The following KCND2 variants were observed in gnomAD, a reference collection of about 807,000 sequenced individuals.
KCND2 encodes the protein A-type voltage-gated potassium channel KCND2.
KCND2 carries 16 observed loss-of-function variants against 54.4 expected under a neutral mutation model. The observed-to-expected ratio is 0.29, with a 90% CI of 0.20 to 0.45. The LOEUF (loss-of-function observed/expected upper bound fraction) is 0.45. KCND2 is among the 20% of genes least tolerant of loss of function. The probability of loss-of-function intolerance (pLI) is 1.00; values close to 1 mark genes in which losing one functional copy is unlikely to be tolerated. For missense variants in KCND2, 486 were observed against 824.2 expected, an observed-to-expected ratio of 0.59 and a Z score of 5.02; for synonymous variants, 317 against 310.7, an observed-to-expected ratio of 1.02 and a Z score of -0.21.
chr7:120,341,156 A>G lies in KCND2; in HGVS notation c.1115+65409A>G, dbSNP rs371206822. 3.3e-5 allele frequency among the ~76,000 whole-genome samples: 5 copies of G among 152,268 alleles called. No individual in the cohort carries two copies. In the East Asian group the frequency reaches 5.8e-4, roughly 18 times the overall value. On this transcript the variant is annotated intron_variant, in intron 1 of 5. Transcript: ENST00000331113. ...CTGAAGCTTCTCCCTGGTTACTTCA[A>G]TTTTATCAGTGGAAAAAGAAGCAAA...
chr7:120,455,912 C>T (rs571918537), intron 1 of KCND2, among the ~76,000 whole-genome samples: 5 of 152,056 alleles, frequency 3.3e-5, no homozygotes, highest in African/African-American at 7.2e-5. Flanking sequence ...ACTCCTGTGA[C>T]GTGCAGTTTA....
At chr7:120,500,280 T>G (rs946935499) in intron 1 of KCND2, among the ~76,000 whole-genome samples, 7 of 152,198 alleles carry the variant, frequency 4.6e-5, no homozygotes, top group African/African-American at 1.7e-4. Context: ...AAGGCAGAGA[T>G]AGGTACACAC....
At chr7:120,641,752 T>TCC (rs1472003673) in intron 1 of KCND2, among the ~76,000 whole-genome samples, 7 of 104,996 alleles carry the variant, frequency 6.7e-5, no homozygotes, top group Non-Finnish European at 1.0e-4. Flanking sequence ...TCCAAGCATA[T>TCC]TCTTTTTTTT....
intron 1 of KCND2, among the ~76,000 whole-genome samples, chr7:120,522,512 T>G (rs1370705607): frequency 2.0e-5 from 3 of 152,180 alleles, no homozygotes; most frequent in African/African-American, 7.2e-5. Context: ...AAACAAGACT[T>G]CTCACATCCT....
chr7:120,293,885 G>T (rs552087757), intron 1 of KCND2, among the ~76,000 whole-genome samples: 1 of 152,002 alleles, frequency 6.6e-6, no homozygotes, highest in African/African-American at 2.4e-5. Flanking sequence ...ATTAGTAGTT[G>T]TAATGTCAAC....
At chr7:120,686,285 T>C (rs1219885315) in intron 1 of KCND2, among the ~76,000 whole-genome samples, 1 of 152,184 alleles carries the variant, frequency 6.6e-6, no homozygotes, top group Non-Finnish European at 1.5e-5. Flanking sequence ...AGAAGTAGGA[T>C]TGCTGTATCA....
At chr7:120,702,158 G>GACAT (rs1792410560) in intron 1 of KCND2, among the ~76,000 whole-genome samples, 1 of 151,912 alleles carries the variant, frequency 6.6e-6, no homozygotes. Context: ...TTTAAAAGAA[G>GACAT]ACATACATGT....
intron 1 of KCND2, among the ~76,000 whole-genome samples, chr7:120,561,520 G>A (rs1257364049): frequency 6.7e-6 from 1 of 150,192 alleles, no homozygotes; most frequent in African/African-American, 2.4e-5. Context: ...TGAAAAACTT[G>A]CCCAAAGTTA....
At chr7:120,523,102 G>A (rs546373205) in intron 1 of KCND2, among the ~76,000 whole-genome samples, 1 of 152,258 alleles carries the variant, frequency 6.6e-6, no homozygotes, top group South Asian at 2.1e-4. Context: ...AATATTTGTA[G>A]AAGGTTACCA....
rs118005079 is a variant in KCND2 at position 120,684,187 on chromosome 7, G to A, written c.1116-48716G>A. On this transcript the variant is annotated intron_variant, in intron 1 of 5. Transcript: ENST00000331113. ...GAACATGAGATTAAGCTCTGTGTAC[G>A]TGCTAGTGTGGCGTTATTCCTGGGG... is the stretch of plus-strand genomic sequence containing the variant. Among the ~76,000 whole-genome samples the A allele has an allele frequency of 2.0e-3, 305 of 152,234 alleles. 1 individual carries two copies. The highest frequency in any genetic ancestry group is 7.5e-3 in the South Asian group (36 of 4,822).
intron 1 of KCND2, among the ~76,000 whole-genome samples, chr7:120,517,717 A>G (rs1803216758): frequency 6.6e-6 from 1 of 152,110 alleles, no homozygotes; most frequent in African/African-American, 2.4e-5. Flanking sequence ...AAATTTAACC[A>G]TTTGTTTTCA....
At chr7:120,302,917 A>G (rs557483403) in intron 1 of KCND2, among the ~76,000 whole-genome samples, 2 of 152,208 alleles carry the variant, frequency 1.3e-5, no homozygotes, top group Non-Finnish European at 2.9e-5. Flanking sequence ...ACAAAATGAA[A>G]TATATAAATG....
intron 1 of KCND2, among the ~76,000 whole-genome samples, chr7:120,311,864 C>CT (rs1350504885): frequency 1.3e-5 from 2 of 152,108 alleles, no homozygotes; most frequent in Non-Finnish European, 2.9e-5. Context: ...ATAATGGCCT[C>CT]TAGCTCCATC....
chr7:120,521,613 C>T (rs564706187), intron 1 of KCND2, among the ~76,000 whole-genome samples: 4 of 152,110 alleles, frequency 2.6e-5, no homozygotes, highest in Admixed American at 2.0e-4. Flanking sequence ...CTAAATTGAG[C>T]GTAATAATAT....
Position 120,323,760 on chromosome 7 carries a change from C to T in KCND2, c.1115+48013C>T, listed in dbSNP as rs62470536. On this transcript the variant is annotated intron_variant, in intron 1 of 5. Transcript: ENST00000331113. ...TGTGAATAATGCTGCAATAAACATA[C>T]GTGTGCATGTGTCTTTATAGCAGCA... 4.2e-3 allele frequency among the ~76,000 whole-genome samples: 552 copies of T among 129,982 alleles called. 7 individuals carry two copies. The highest frequency in any genetic ancestry group is 0.016 in the African/African-American group (513 of 33,092). 85.3% of individuals were successfully genotyped at this position (129,982 alleles called of 152,430 possible).
At chr7:120,323,633 A>AT (rs1799928550) in intron 1 of KCND2, among the ~76,000 whole-genome samples, 1 of 146,386 alleles carries the variant, frequency 6.8e-6, no homozygotes, top group Non-Finnish European at 1.5e-5. Flanking sequence ...TGAACTCATC[A>AT]TTTTTTATGG....
intron 1 of KCND2, among the ~76,000 whole-genome samples, chr7:120,542,855 C>A (rs1296576171): frequency 3.3e-5 from 5 of 152,118 alleles, no homozygotes; most frequent in Non-Finnish European, 5.9e-5. Context: ...TGCTCACTTG[C>A]TATCAGTCAG....
At chr7:120,497,671 G>A (rs559106306) in intron 1 of KCND2, among the ~76,000 whole-genome samples, 13 of 152,284 alleles carry the variant, frequency 8.5e-5, no homozygotes, top group East Asian at 3.9e-4. Context: ...CTCAATGTCC[G>A]TTCAGCAGGA....
At chr7:120,674,620 T>G (rs1792035893) in intron 1 of KCND2, among the ~76,000 whole-genome samples, 1 of 152,200 alleles carries the variant, frequency 6.6e-6, no homozygotes, top group East Asian at 1.9e-4. Flanking sequence ...TATTTTCAGA[T>G]AAACACCCTA....
Sources: gnomAD v4.1 joint callset for allele counts (sites outside exome capture counted in the v4.1 genomes callset) on GRCh38, gnomAD v4.1.1 for gene constraint, MANE v1.5 for transcripts, NCBI Gene and HGNC (gene_info 2026-07-23, HGNC 2026-07-21) for gene names.